Variants in PTH2R observed in about 807,000 individuals in gnomAD.
The protein encoded by PTH2R is PTH2 receptor.
A neutral mutation model predicts 60.3 loss-of-function variants in PTH2R; 59 were observed. The observed-to-expected ratio is 0.98, with a 90% confidence interval of 0.79 to 1.22. The LOEUF is 1.22. Among genes scored for constraint, PTH2R ranks in the 50% most tolerant of loss-of-function variants. PTH2R has a pLI of 0.00. For synonymous variants in PTH2R, 256 were observed against 243.8 expected (o/e 1.05, Z -0.47); for missense variants, 749 against 682.6 (o/e 1.10, Z -1.08).
rs183661307 is a variant in PTH2R at position 208,383,860 on chromosome 2, A to G, written c.-259+23623A>G. Among the ~76,000 whole-genome samples, 35 of 152,332 alleles carry G rather than the reference A, an allele frequency of 2.3e-4. No individual in the cohort carries two copies. The East Asian group carries it at 6.7e-3, about 29-fold the overall frequency. ...GGGATCTGCATGCTCTGGTCAAGAC[A>G]GATCTCCATGCTGAGTGTCTGTTTG... On this transcript the variant is annotated intron_variant, in intron 1 of 12. Transcript: ENST00000617735.
chr2:208,400,893 A>G (rs1399927032), intron 1 of PTH2R, among the ~76,000 whole-genome samples: 1 of 152,206 alleles, frequency 6.6e-6, no homozygotes, highest in African/African-American at 2.4e-5. Flanking sequence ...TTATTGCACA[A>G]ACATAAAAGC....
chr2:208,420,968 A>T (rs139046466), intron 1 of PTH2R, among the ~76,000 whole-genome samples: 49 of 152,266 alleles, frequency 3.2e-4, no homozygotes, highest in African/African-American at 1.2e-3. Flanking sequence ...GCAACTACTA[A>T]TTGGTTTTTT....
intron 9 of PTH2R, among the ~76,000 whole-genome samples, chr2:208,461,834 A>C (rs1702640610): frequency 6.6e-6 from 1 of 152,226 alleles, no homozygotes; most frequent in Non-Finnish European, 1.5e-5. Context: ...TGTAACTTGT[A>C]ATGTGAAACA....
At chr2:208,418,542 G>T (rs867405620) in intron 1 of PTH2R, among the ~76,000 whole-genome samples, 2 of 151,694 alleles carry the variant, frequency 1.3e-5, no homozygotes, top group Non-Finnish European at 2.9e-5. Flanking sequence ...ATCCATGAAA[G>T]AAATTCTTAA....
chr2:208,472,652 A>G (rs910649747), intron 9 of PTH2R, among the ~76,000 whole-genome samples: 5 of 152,172 alleles, frequency 3.3e-5, no homozygotes, highest in African/African-American at 1.2e-4. Context: ...TAAGTCCATT[A>G]AACCTTTTTT....
At chr2:208,367,290 C>T (rs756119177) in intron 1 of PTH2R, among the ~76,000 whole-genome samples, 29 of 152,136 alleles carry the variant, frequency 1.9e-4, no homozygotes, top group Non-Finnish European at 2.2e-4. Context: ...GACAGGGTTT[C>T]GCCATGTTGG....
At chr2:208,474,814 G>A (rs949359970) in intron 9 of PTH2R, among the ~76,000 whole-genome samples, 10 of 152,198 alleles carry the variant, frequency 6.6e-5, no homozygotes, top group Non-Finnish European at 1.3e-4. Context: ...GCTTGGAGAC[G>A]CAAATGTCTA....
chr2:208,399,426 G>C (rs1701267901), intron 1 of PTH2R, among the ~76,000 whole-genome samples: 1 of 152,136 alleles, frequency 6.6e-6, no homozygotes, highest in Non-Finnish European at 1.5e-5. Context: ...CTTGGGCTAT[G>C]CTGTACCAGT....
chr2:208,380,390 T>G (rs1211276491), intron 1 of PTH2R, among the ~76,000 whole-genome samples: 1 of 152,090 alleles, frequency 6.6e-6, no homozygotes, highest in African/African-American at 2.4e-5. Flanking sequence ...GTCTTGGGCT[T>G]TATAAAAACC....
intron 1 of PTH2R, among the ~76,000 whole-genome samples, chr2:208,413,194 A>G (rs1263541539): frequency 6.6e-6 from 1 of 152,018 alleles, no homozygotes; most frequent in Non-Finnish European, 1.5e-5. Context: ...ACAATGTAGA[A>G]GACTGGCAAT....
intron 8 of PTH2R, among the ~76,000 whole-genome samples, chr2:208,451,400 G>T (rs891391276): frequency 6.6e-6 from 1 of 152,134 alleles, no homozygotes; most frequent in African/African-American, 2.4e-5. Context: ...TTGGGAAAAG[G>T]ACATGTGGGA....
chr2:208,445,403 A>C (rs536438600), intron 7 of PTH2R, among the ~76,000 whole-genome samples: 1 of 152,326 alleles, frequency 6.6e-6, no homozygotes, highest in East Asian at 1.9e-4. Flanking sequence ...AATTATTCAA[A>C]TTACTTCTGG....
At chr2:208,443,991 TAGATTGATCCA>T (rs1702239409) in intron 6 of PTH2R, among the ~76,000 whole-genome samples, 1 of 152,234 alleles carries the variant, frequency 6.6e-6, no homozygotes. Flanking sequence ...TGGTAGTAAA[TAGATTGATCCA>T]ATAATTCACT....
chr2:208,382,539 A>G (rs979338220), intron 1 of PTH2R, among the ~76,000 whole-genome samples: 3 of 152,204 alleles, frequency 2.0e-5, no homozygotes, highest in Non-Finnish European at 4.4e-5. Context: ...AATACATGGA[A>G]GGTGTGGAGG....
chr2:208,492,148 G>T (rs75429039), intron 12 of PTH2R, among the ~76,000 whole-genome samples: 3,994 of 152,272 alleles, frequency 0.026, 110 homozygotes, highest in Non-Finnish European at 0.036. Context: ...GGAAATAAGA[G>T]CCCCACCCTA....
intron 6 of PTH2R, among the ~76,000 whole-genome samples, chr2:208,444,278 C>T (rs1702244799): frequency 6.6e-6 from 1 of 152,166 alleles, no homozygotes; most frequent in Admixed American, 6.5e-5. Context: ...CCCAGCCCAT[C>T]CACAGATTTC....
intron 1 of PTH2R, among the ~76,000 whole-genome samples, chr2:208,408,078 A>T (rs915599470): frequency 2.0e-5 from 3 of 152,246 alleles, no homozygotes; most frequent in African/African-American, 7.2e-5. Flanking sequence ...TTAAAGTCAT[A>T]ACCAGAGACA....
intron 1 of PTH2R, among the ~76,000 whole-genome samples, chr2:208,384,375 C>T (rs1207122649): frequency 2.0e-5 from 3 of 152,206 alleles, no homozygotes; most frequent in East Asian, 3.9e-4. Flanking sequence ...TATGAAGGAT[C>T]GTGATATCCA....
chr2:208,444,471 A>C (rs1264816157), intron 6 of PTH2R, among the ~76,000 whole-genome samples: 1 of 152,150 alleles, frequency 6.6e-6, no homozygotes, highest in African/African-American at 2.4e-5. Context: ...TATTTTTATA[A>C]AGTGAAAAAA....
Sources: gnomAD v4.1 joint callset for allele counts (sites outside exome capture counted in the v4.1 genomes callset) on GRCh38, gnomAD v4.1.1 for gene constraint, MANE v1.5 for transcripts, NCBI Gene and HGNC (gene_info 2026-07-23, HGNC 2026-07-21) for gene names.